Variants in PTPRS observed in about 807,000 individuals in gnomAD.
The protein encoded by PTPRS is receptor-type tyrosine-protein phosphatase S.
A neutral mutation model predicts 215.3 loss-of-function variants in PTPRS; 63 were observed. The observed-to-expected ratio is 0.29, with a 90% CI of 0.24 to 0.36. The LOEUF (loss-of-function observed/expected upper bound fraction) is 0.36. Ranked by LOEUF, PTPRS falls within the 10% of genes least tolerant of loss-of-function variation. The pLI is 1.00. For synonymous variants in PTPRS, 1,404 were observed against 1,191.4 expected, an observed-to-expected ratio of 1.18 and a Z score of -3.68; for missense variants, 2,258 against 2,825.8, an observed-to-expected ratio of 0.80 and a Z score of 4.56.
chr19:5,327,065 C>T (rs780250342), intron 1 of PTPRS, among the ~76,000 whole-genome samples: 56 of 152,190 alleles, frequency 3.7e-4, no homozygotes, highest in Non-Finnish European at 7.1e-4. Flanking sequence ...CAAGGGTAGC[C>T]CCGCTCGCAC....
rs548205691 is a variant in PTPRS, at chr19:5,249,480, T to C, written c.719-3435A>G. 2.1e-3 allele frequency among the ~76,000 whole-genome samples: 327 copies of C among 152,296 alleles called. 2 individuals carry two copies. The highest frequency in any genetic ancestry group is 7.0e-3 in the African/African-American group (292 of 41,554). On this transcript the variant is annotated intron_variant, in intron 9 of 37. Transcript: ENST00000262963. The stretch of plus-strand genomic sequence containing the variant: ...GACTCAGAGAGGTGACAAGACTAGA[T>C]GGAACTCACAGAAAGGAAGTAGTGT...
intron 19 of PTPRS, 117 bp downstream of exon 19, chr19:5,222,006 T>C: frequency 1.3e-6 from 1 of 797,556 alleles, no homozygotes; most frequent in East Asian, 2.5e-5. Flanking sequence ...CTGAGACCCA[T>C]CTCTGACTGA....
At chr19:5,251,004 C>T (rs1599700340) in intron 9 of PTPRS, 1 of 147,684 alleles carries the variant, frequency 6.8e-6, no homozygotes, top group African/African-American at 2.7e-5. Flanking sequence ...ATTCTAGATA[C>T]TTCTCCAAAC....
In PTPRS at chr19:5,209,000, C is replaced by T. The variant is rs549906830; in HGVS notation, c.5488-609G>A. On this transcript the variant is annotated intron_variant, in intron 35 of 37. Transcript: ENST00000262963. ...TTCTACAACCCAATGGTGCCATCATCTTTCATCGTCCACCATCCAACACCA... is the reference window on the plus strand; with the variant it reads ...TTCTACAACCCAATGGTGCCATCATTTTTCATCGTCCACCATCCAACACCA... Among the ~76,000 whole-genome samples the T allele has an allele frequency of 7.9e-5, 12 of 152,260 alleles. No individual in the cohort carries two copies. The South Asian group carries it at 2.5e-3, about 32-fold the overall frequency.
chr19:5,278,850 A>G (rs1470280990), intron 2 of PTPRS, among the ~76,000 whole-genome samples: 1 of 152,062 alleles, frequency 6.6e-6, no homozygotes, highest in East Asian at 1.9e-4. Flanking sequence ...GTGTATAAGC[A>G]AGAGGTAATA....
At position 5,336,707 on chromosome 19, in the gene PTPRS, G is replaced by C. The variant is rs774629962; in HGVS notation, c.-95+3957C>G. Among the ~76,000 whole-genome samples, 4 of 151,344 alleles carry C rather than the reference G, an allele frequency of 2.6e-5. No individual in the cohort carries two copies. In the Admixed American group the frequency reaches 2.6e-4, roughly 10 times the overall value. ...TATCAGCTTGCCACACGAATCCTGCGAGGAACAGCAGTTATGTCTTAATCT... is the reference window on the plus strand; with the variant it reads ...TATCAGCTTGCCACACGAATCCTGCCAGGAACAGCAGTTATGTCTTAATCT... On this transcript the variant is annotated intron_variant, in intron 1 of 37. Coordinates refer to ENST00000262963, the MANE Select transcript of PTPRS (RefSeq NM_002850.4).
At chr19:5,270,072 A>C (rs1282277841) in intron 4 of PTPRS, among the ~76,000 whole-genome samples, 3 of 152,068 alleles carry the variant, frequency 2.0e-5, no homozygotes, top group Non-Finnish European at 2.9e-5. Flanking sequence ...AAGAGAAGGC[A>C]GGTTGTTCTG....
Position 5,293,431 on chromosome 19 carries a change from G to A in PTPRS, c.-94-7197C>T, listed in dbSNP as rs546916125. ...CCAGAGGGGAGCCCCATCTGGAGGC[G>A]CGGAGAGCCTCCGCAGGAGTCCATG... On this transcript the variant is annotated intron_variant, in intron 1 of 37. Transcript: ENST00000262963. This position sits in a 1 kb window ranked among gnomAD's most constrained non-coding sequence, Gnocchi z 8.4. Among the ~76,000 whole-genome samples, 15 of 152,094 alleles carry A rather than the reference G, an allele frequency of 9.9e-5. No homozygotes were observed. In the East Asian group the frequency reaches 2.7e-3, roughly 28 times the overall value.
intron 4 of PTPRS, among the ~76,000 whole-genome samples, chr19:5,269,218 C>T (rs1213001619): frequency 2.0e-5 from 3 of 152,130 alleles, no homozygotes; most frequent in East Asian, 3.9e-4. Flanking sequence ...GAGCAATTCC[C>T]GTGTGTATGT....
intron 1 of PTPRS, among the ~76,000 whole-genome samples, chr19:5,308,883 G>A (rs184544069): frequency 1.2e-4 from 19 of 152,188 alleles, no homozygotes; most frequent in Non-Finnish European, 2.4e-4. Flanking sequence ...TTGTATGTTC[G>A]TGTGTATATA....
intron 1 of PTPRS, among the ~76,000 whole-genome samples, chr19:5,290,552 C>A (rs1025630679): frequency 1.6e-4 from 24 of 152,128 alleles, no homozygotes; most frequent in African/African-American, 5.6e-4. Flanking sequence ...CCAGGCCGGG[C>A]AGCAAACAGG....
intron 1 of PTPRS, among the ~76,000 whole-genome samples, chr19:5,332,050 G>GT (rs901213757): frequency 2.0e-5 from 3 of 152,094 alleles, no homozygotes; most frequent in Non-Finnish European, 4.4e-5. Context: ...TTGGGGAAGG[G>GT]GTCAAAGTCC....
At chr19:5,289,115 C>A (rs2048603350) in intron 1 of PTPRS, among the ~76,000 whole-genome samples, 1 of 152,122 alleles carries the variant, frequency 6.6e-6, no homozygotes, top group Non-Finnish European at 1.5e-5. Flanking sequence ...CCCGGGGTCC[C>A]TTAGGTGCCA....
chr19:5,206,460 G>A lies in PTPRS; in HGVS notation c.*314C>T. ...ATGGTCTGTGCCCCACCCTCCTCTG[G>A]TTCTGGGGAGCACTCCTATTTGCTC... On this transcript the variant is annotated 3_prime_UTR_variant, in exon 38 of 38. Transcript: ENST00000262963. The A allele has an allele frequency of 2.5e-6, 1 of 403,102 alleles. No homozygotes were observed. The highest frequency in any genetic ancestry group is 4.6e-6 in the Non-Finnish European group (1 of 215,654). 25.0% of individuals were successfully genotyped at this position (403,102 alleles called of 1,614,324 possible).
chr19:5,243,850 G>C, intron 11 of PTPRS, 51 bp downstream of exon 11: 1 of 1,399,004 alleles, frequency 7.1e-7, no homozygotes, highest in Non-Finnish European at 9.4e-7. Context: ...AGCATGCAAA[G>C]AACCAAGCCG....
intron 16 of PTPRS, among the ~76,000 whole-genome samples, chr19:5,227,695 C>T (rs1487470655): frequency 6.6e-6 from 1 of 152,170 alleles, no homozygotes; most frequent in Non-Finnish European, 1.5e-5. Flanking sequence ...CAGGCGTGAG[C>T]CACCATGCCC....
At chr19:5,303,431 G>A (rs1452731714) in intron 1 of PTPRS, among the ~76,000 whole-genome samples, 1 of 152,212 alleles carries the variant, frequency 6.6e-6, no homozygotes, top group Non-Finnish European at 1.5e-5. Flanking sequence ...TGTCTTGAGT[G>A]CTGGGGACAC....
At chr19:5,211,925 C>T (rs1272519080) in intron 32 of PTPRS, 40 bp downstream of exon 32, 1 of 1,550,758 alleles carries the variant, frequency 6.4e-7, no homozygotes, top group Admixed American at 1.9e-5. Flanking sequence ...TTTGGGCCTC[C>T]TCCCCACCCC....
At chr19:5,265,352 CTTTTT>C (rs950938789) in intron 4 of PTPRS, among the ~76,000 whole-genome samples, 156 bp from the exon 5 acceptor site, 77 of 152,208 alleles carry the variant, frequency 5.1e-4, no homozygotes, top group Middle Eastern at 3.4e-3. Context: ...AGTTCTCTCT[CTTTTT>C]TTGAGACAGG....
Sources: allele counts gnomAD v4.1 joint callset (sites outside exome capture counted in the v4.1 genomes callset), GRCh38; gene constraint gnomAD v4.1.1; non-coding constraint Gnocchi (gnomAD v3.1); transcripts MANE v1.5; gene names NCBI Gene and HGNC (gene_info 2026-07-23, HGNC 2026-07-21).